CPNE8: variants seen among roughly 807,000 people sequenced by gnomAD.
CPNE8 encodes copine-8.
CPNE8 carries 45 observed loss-of-function variants against 81.5 expected under a neutral mutation model. The observed-to-expected ratio is 0.55, with a 90% CI of 0.44 to 0.71. CPNE8 has a LOEUF of 0.71. CPNE8 is among the 30% of genes least tolerant of loss of function. CPNE8 has a pLI of 0.00. For synonymous variants in CPNE8, 252 were observed against 226.3 expected (o/e 1.11, Z -1.02); for missense variants, 594 against 672.1 (o/e 0.88, Z 1.28).
At chr12:38,746,588 T>A (rs1242476790) in intron 10 of CPNE8, among the ~76,000 whole-genome samples, 1 of 152,210 alleles carries the variant, frequency 6.6e-6, no homozygotes, top group East Asian at 1.9e-4. Flanking sequence ...TTTCTTTCAT[T>A]AGAAGACTGT....
chr12:38,820,510 T>C (rs1270534569), intron 6 of CPNE8, among the ~76,000 whole-genome samples: 1 of 152,194 alleles, frequency 6.6e-6, no homozygotes, highest in African/African-American at 2.4e-5. Flanking sequence ...ATAAAACTAA[T>C]AAACAAGCTT....
chr12:38,852,484 C>T (rs887917004), intron 3 of CPNE8, among the ~76,000 whole-genome samples: 8 of 150,550 alleles, frequency 5.3e-5, no homozygotes, highest in African/African-American at 2.0e-4. Flanking sequence ...TGCCTGTAAT[C>T]CCAGTTACTC....
At chr12:38,837,299 A>G (rs1943398659) in intron 5 of CPNE8, among the ~76,000 whole-genome samples, 1 of 152,156 alleles carries the variant, frequency 6.6e-6, no homozygotes, top group Non-Finnish European at 1.5e-5. Context: ...GTGTTGATGA[A>G]TTATTCTCAA....
At chr12:38,841,444 T>C (rs1387245045) in intron 4 of CPNE8, among the ~76,000 whole-genome samples, 1 of 152,200 alleles carries the variant, frequency 6.6e-6, no homozygotes, top group African/African-American at 2.4e-5. Context: ...TGTGTGACTC[T>C]TGTTTGGAGC....
At chr12:38,662,395 T>A (rs778576893) in intron 19 of CPNE8, among the ~76,000 whole-genome samples, 9 of 152,012 alleles carry the variant, frequency 5.9e-5, no homozygotes, top group Non-Finnish European at 1.0e-4. Context: ...AAGAAAGCAA[T>A]CTCATTTATA....
chr12:38,761,749 G>A (rs2136851370), intron 9 of CPNE8, among the ~76,000 whole-genome samples: 1 of 152,256 alleles, frequency 6.6e-6, no homozygotes, highest in South Asian at 2.1e-4. Flanking sequence ...AATCTCCTGT[G>A]CTATAACTAT....
chr12:38,677,994 A>C, intron 16 of CPNE8, among the ~76,000 whole-genome samples: 1 of 152,114 alleles, frequency 6.6e-6, no homozygotes, highest in East Asian at 1.9e-4. Context: ...TTAATGAAGA[A>C]TTGCATGTAT....
At chr12:38,847,930 C>A (rs1483816310) in intron 4 of CPNE8, among the ~76,000 whole-genome samples, 1 of 152,040 alleles carries the variant, frequency 6.6e-6, no homozygotes, top group East Asian at 1.9e-4. Flanking sequence ...CAACAGATTT[C>A]CTTTTAACCA....
In CPNE8 at chr12:38,653,758, A is replaced by C; in HGVS notation, c.*124T>G. On this transcript the variant is annotated 3_prime_UTR_variant, in exon 20 of 20. Coordinates refer to ENST00000331366, the MANE Select transcript of CPNE8 (RefSeq NM_153634.3). ...TATTTAAATTTGGATCCAAGAAAGC[A>C]CATTAACTGCTGAAACCAAACTGAG... The C allele has an allele frequency of 7.4e-7, 1 of 1,349,812 alleles. No homozygotes were observed. Among genetic ancestry groups the C allele is most frequent in the Non-Finnish European group, 9.6e-7 (1 of 1,038,880 alleles). The allele number at this position is 1,349,812 out of a possible 1,614,324, so 83.6% of individuals were successfully genotyped here.
chr12:38,736,628 G>A (rs568650501), intron 10 of CPNE8, among the ~76,000 whole-genome samples: 87 of 151,986 alleles, frequency 5.7e-4, no homozygotes, highest in Middle Eastern at 3.4e-3. Flanking sequence ...TCCACATGAA[G>A]TATACTTTTA....
chr12:38,658,650 A>AATATT (rs1938881734), intron 19 of CPNE8, among the ~76,000 whole-genome samples: 1 of 152,190 alleles, frequency 6.6e-6, no homozygotes, highest in Non-Finnish European at 1.5e-5. Context: ...AGCCAGAGAG[A>AATATT]AAGGTCGGGT....
intron 11 of CPNE8, among the ~76,000 whole-genome samples, chr12:38,725,511 C>T (rs1036363565): frequency 6.6e-6 from 1 of 152,052 alleles, no homozygotes; most frequent in African/African-American, 2.4e-5. Flanking sequence ...TAAGACCTGC[C>T]GATCTAATGG....
chr12:38,672,173 T>A lies in CPNE8; in HGVS notation c.1433-1371A>T, dbSNP rs1224607418. Among the ~76,000 whole-genome samples, 5 of 152,180 alleles carry A rather than the reference T, an allele frequency of 3.3e-5. No homozygotes were observed. In the East Asian group the frequency reaches 9.6e-4, roughly 29 times the overall value. On this transcript the variant is annotated intron_variant, in intron 18 of 19. Transcript: ENST00000331366. ...TTAATAATTTACAACAATTACCCTA[T>A]ACACATGCTAAAATGGGAAACAAGA...
At chr12:38,711,884 G>A (rs932960577) in intron 13 of CPNE8, among the ~76,000 whole-genome samples, 3 of 151,956 alleles carry the variant, frequency 2.0e-5, no homozygotes, top group Non-Finnish European at 2.9e-5. Flanking sequence ...TTTCAGTTTC[G>A]ATATGATAAT....
chr12:38,859,511 C>T (rs909384558), intron 3 of CPNE8, among the ~76,000 whole-genome samples: 1 of 152,070 alleles, frequency 6.6e-6, no homozygotes, highest in Middle Eastern at 3.2e-3. Context: ...TGATCTTGAT[C>T]TTTGATTGAA....
At chr12:38,860,739 C>T (rs1209652989) in intron 3 of CPNE8, among the ~76,000 whole-genome samples, 1 of 152,016 alleles carries the variant, frequency 6.6e-6, no homozygotes, top group Non-Finnish European at 1.5e-5. Flanking sequence ...CGAAATAAAC[C>T]AGACACAGAA....
chr12:38,855,153 A>C (rs1249279578), intron 3 of CPNE8, among the ~76,000 whole-genome samples: 1 of 152,058 alleles, frequency 6.6e-6, no homozygotes, highest in Non-Finnish European at 1.5e-5. Context: ...ATAACATGAA[A>C]AAACACAAAA....
intron 3 of CPNE8, among the ~76,000 whole-genome samples, chr12:38,862,369 A>C (rs1025211183): frequency 2.0e-5 from 3 of 152,110 alleles, no homozygotes; most frequent in African/African-American, 7.2e-5. Flanking sequence ...ATGGAGAAGC[A>C]TGTCTTTTAT....
At position 38,653,149 on chromosome 12, in the gene CPNE8, G is replaced by A. The variant is rs1357115447; in HGVS notation, c.*733C>T. On this transcript the variant is annotated 3_prime_UTR_variant, in exon 20 of 20. Transcript: ENST00000331366. ...TGACTTTTTATAATTTCTACTTAGTGTTACAAAATACAAACCAACTGCAGT... is the reference window on the plus strand; with the variant it reads ...TGACTTTTTATAATTTCTACTTAGTATTACAAAATACAAACCAACTGCAGT... 1.3e-5 allele frequency: 2 copies of A among 152,342 alleles called. No homozygotes were observed. Among genetic ancestry groups the A allele is most frequent in the Non-Finnish European group, 2.9e-5 (2 of 68,010 alleles). The allele number at this position is 152,342 out of a possible 1,614,324, so 9.4% of individuals were successfully genotyped here. A position where few individuals can be genotyped will look rare whatever the true frequency, so the allele number is the denominator to read the frequency against.
Sources: allele counts gnomAD v4.1 joint callset (sites outside exome capture counted in the v4.1 genomes callset), GRCh38; gene constraint gnomAD v4.1.1; transcripts MANE v1.5; gene names NCBI Gene and HGNC (gene_info 2026-07-23, HGNC 2026-07-21).